Variants in CAMK1D observed in about 807,000 individuals in gnomAD.
CAMK1D encodes calcium/calmodulin dependent protein kinase ID, also known as calcium/calmodulin-dependent protein kinase type 1D.
A neutral mutation model predicts 47.7 loss-of-function variants in CAMK1D; 9 were observed. The ratio of observed to expected loss-of-function variants is 0.19; its 90% CI spans 0.11 to 0.33. CAMK1D has a LOEUF of 0.33. CAMK1D is among the 10% of genes least tolerant of loss of function. The pLI is 1.00. For synonymous variants in CAMK1D, 184 were observed against 184.9 expected, an observed-to-expected ratio of 0.99 and a Z score of 0.04; for missense variants, 291 against 488.7, an observed-to-expected ratio of 0.60 and a Z score of 3.81.
intron 2 of CAMK1D, among the ~76,000 whole-genome samples, chr10:12,624,608 G>A (rs75377952): frequency 0.033 from 4,954 of 152,176 alleles, 212 homozygotes; most frequent in African/African-American, 0.1. Flanking sequence ...AGTAGTCCAC[G>A]GTTTACCACA....
chr10:12,650,903 G>C (rs10752269), intron 2 of CAMK1D, among the ~76,000 whole-genome samples: 1 of 151,930 alleles, frequency 6.6e-6, no homozygotes, highest in Admixed American at 6.5e-5. Context: ...GGTTCATCTC[G>C]CCCCACACCC....
At chr10:12,438,526 T>C (rs1304639511) in intron 1 of CAMK1D, among the ~76,000 whole-genome samples, 1 of 152,218 alleles carries the variant, frequency 6.6e-6, no homozygotes, top group Non-Finnish European at 1.5e-5. Context: ...CCTGGACATA[T>C]CTTTCTTTAA....
intron 4 of CAMK1D, among the ~76,000 whole-genome samples, chr10:12,763,349 G>A (rs1345230391): frequency 1.3e-5 from 2 of 152,224 alleles, no homozygotes; most frequent in Admixed American, 6.5e-5. Context: ...GCTTAGTGCA[G>A]CAATCGGAAT....
chr10:12,588,334 T>C (rs114170085), intron 2 of CAMK1D, among the ~76,000 whole-genome samples: 45 of 152,250 alleles, frequency 3.0e-4, no homozygotes, highest in African/African-American at 9.6e-4. Flanking sequence ...ACTGCATGCT[T>C]AGCAAATTTG....
intron 3 of CAMK1D, among the ~76,000 whole-genome samples, chr10:12,731,040 T>A (rs1588859103): frequency 6.6e-6 from 1 of 151,710 alleles, no homozygotes; most frequent in African/African-American, 2.4e-5. Context: ...CAAGATAAGG[T>A]TTTGGTTTTG....
At chr10:12,508,832 A>G (rs1244168899) in intron 1 of CAMK1D, among the ~76,000 whole-genome samples, 7 of 152,198 alleles carry the variant, frequency 4.6e-5, no homozygotes, top group Non-Finnish European at 1.0e-4. Context: ...GAAAGTCATG[A>G]AAATGCGGTG....
At chr10:12,765,611 C>A (rs944576507) in intron 4 of CAMK1D, among the ~76,000 whole-genome samples, 3 of 152,222 alleles carry the variant, frequency 2.0e-5, no homozygotes, top group African/African-American at 7.2e-5. Flanking sequence ...TCCCTAATGC[C>A]TTTGAAGTGG....
At chr10:12,667,391 GGAGA>G (rs1840468021) in intron 3 of CAMK1D, among the ~76,000 whole-genome samples, 1 of 152,182 alleles carries the variant, frequency 6.6e-6, no homozygotes, top group Non-Finnish European at 1.5e-5. Flanking sequence ...CATTAACACT[GGAGA>G]TTACCAAAAG....
intron 3 of CAMK1D, among the ~76,000 whole-genome samples, chr10:12,735,903 G>A (rs1246372037): frequency 6.6e-6 from 1 of 152,124 alleles, no homozygotes; most frequent in Non-Finnish European, 1.5e-5. Context: ...AAAGGAAAGA[G>A]AAGGATAAGC....
chr10:12,500,964 C>T lies in CAMK1D; in HGVS notation c.93-52261C>T, dbSNP rs537629226. 5.9e-5 allele frequency among the ~76,000 whole-genome samples: 9 copies of T among 152,316 alleles called. No homozygotes were observed. In the South Asian group the frequency reaches 1.7e-3, roughly 28 times the overall value. On this transcript the variant is annotated intron_variant, in intron 1 of 10. Coordinates refer to ENST00000619168, the MANE Select transcript of CAMK1D (RefSeq NM_153498.4). ...TCCTGTGGTTGGTGTTATATTTCCT[C>T]TTACAGATGAGGAAAGTGAAGCTTC...
At chr10:12,820,125 C>T (rs188357791) in intron 8 of CAMK1D, among the ~76,000 whole-genome samples, 64 of 152,292 alleles carry the variant, frequency 4.2e-4, no homozygotes, top group African/African-American at 1.5e-3. Flanking sequence ...CTGCAACCTC[C>T]GCTTCCCGGG....
At chr10:12,805,939 C>T (rs1838709213) in intron 6 of CAMK1D, among the ~76,000 whole-genome samples, 1 of 152,174 alleles carries the variant, frequency 6.6e-6, no homozygotes, top group African/African-American at 2.4e-5. Context: ...TAGACAGAAA[C>T]CAACACGCAT....
At chr10:12,365,524 C>T (rs1056943433) in intron 1 of CAMK1D, among the ~76,000 whole-genome samples, 9 of 151,454 alleles carry the variant, frequency 5.9e-5, no homozygotes, top group South Asian at 2.1e-4. Flanking sequence ...CTGCAAGCTC[C>T]GCCTCCCAGG....
chr10:12,392,017 A>ACACAC (rs34312096), intron 1 of CAMK1D, among the ~76,000 whole-genome samples: 3 of 147,208 alleles, frequency 2.0e-5, no homozygotes, highest in African/African-American at 7.5e-5. Context: ...ACACACACAC[A>ACACAC]AACAGTCTGG....
intron 6 of CAMK1D, among the ~76,000 whole-genome samples, chr10:12,792,251 C>T (rs898095586): frequency 3.9e-5 from 6 of 151,972 alleles, no homozygotes; most frequent in African/African-American, 1.5e-4. Flanking sequence ...CAATTCTAGG[C>T]CATAGGCTTG....
chr10:12,511,189 C>T (rs894778606), intron 1 of CAMK1D, among the ~76,000 whole-genome samples: 10 of 152,210 alleles, frequency 6.6e-5, no homozygotes, highest in African/African-American at 2.4e-4. Context: ...CTTCCTCTGC[C>T]TTTATGGATT....
intron 4 of CAMK1D, among the ~76,000 whole-genome samples, chr10:12,766,424 G>T (rs1229107326): frequency 2.8e-5 from 4 of 144,250 alleles, no homozygotes; most frequent in Non-Finnish European, 6.0e-5. Context: ...GTGCAGTGGC[G>T]TACACGTGGC....
chr10:12,700,503 T>G (rs888644276), intron 3 of CAMK1D, among the ~76,000 whole-genome samples: 1 of 152,206 alleles, frequency 6.6e-6, no homozygotes, highest in East Asian at 1.9e-4. Flanking sequence ...TAAAGGGAAC[T>G]ACAGTTCAAG....
chr10:12,522,029 T>C (rs935948251), intron 1 of CAMK1D, among the ~76,000 whole-genome samples: 2 of 151,944 alleles, frequency 1.3e-5, no homozygotes, highest in Non-Finnish European at 2.9e-5. Context: ...TAATAATCTG[T>C]ATCTTTTTAT....
Sources: gnomAD v4.1 joint callset for allele counts (sites outside exome capture counted in the v4.1 genomes callset) on GRCh38, gnomAD v4.1.1 for gene constraint, MANE v1.5 for transcripts, NCBI Gene and HGNC (gene_info 2026-07-23, HGNC 2026-07-21) for gene names.